Variants in C7orf78 observed in about 807,000 individuals in gnomAD.
C7orf78 encodes the protein putative uncharacterized protein C7orf78.
the C7orf78 span, among the ~76,000 whole-genome samples, chr7:12,527,704 C>A: frequency 7.0e-6 from 1 of 143,354 alleles, no homozygotes; most frequent in Admixed American, 7.0e-5. Flanking sequence ...TGCCATCTAG[C>A]TGTGTAATTG....
At chr7:12,533,512 CTTTTTTT>C in the C7orf78 span, among the ~76,000 whole-genome samples, 4 of 112,606 alleles carry the variant, frequency 3.6e-5, no homozygotes, top group African/African-American at 6.8e-5. Flanking sequence ...CCAAAGGTTT[CTTTTTTT>C]TTTTTTTTTT....
At chr7:12,517,686 T>G in the C7orf78 span, among the ~76,000 whole-genome samples, 2 of 152,172 alleles carry the variant, frequency 1.3e-5, no homozygotes. Context: ...TCAAATATAT[T>G]TTGTAGTTCA....
chr7:12,508,022 T>A, the C7orf78 span, among the ~76,000 whole-genome samples: 1 of 152,226 alleles, frequency 6.6e-6, no homozygotes, highest in Non-Finnish European at 1.5e-5. Flanking sequence ...TCAGTCTACA[T>A]CATGCTACGT....
chr7:12,529,407 C>T, the C7orf78 span, among the ~76,000 whole-genome samples: 2 of 152,112 alleles, frequency 1.3e-5, no homozygotes, highest in Non-Finnish European at 2.9e-5. Context: ...AGTAATGCTA[C>T]ATACTTTTTA....
the C7orf78 span, among the ~76,000 whole-genome samples, chr7:12,509,931 G>T: frequency 5.3e-5 from 8 of 151,840 alleles, no homozygotes; most frequent in South Asian, 1.7e-3. Context: ...CTACTTTGGA[G>T]GCTGAGGCAT....
the C7orf78 span, among the ~76,000 whole-genome samples, chr7:12,510,262 C>T: frequency 2.0e-5 from 3 of 152,034 alleles, no homozygotes; most frequent in East Asian, 5.8e-4. Context: ...TGGCTCACTG[C>T]AGCCCCAAAC....
At chr7:12,514,490 G>A in the C7orf78 span, among the ~76,000 whole-genome samples, 110,023 of 151,880 alleles carry the variant, frequency 0.72, 40,668 homozygotes, top group East Asian at 0.92. Flanking sequence ...TTTTGTGTCT[G>A]TTCAGCCAGT....
the C7orf78 span, among the ~76,000 whole-genome samples, chr7:12,526,509 T>C: frequency 9.8e-4 from 149 of 152,150 alleles, no homozygotes; most frequent in Non-Finnish European, 1.1e-3. Flanking sequence ...AATTAACCAA[T>C]AAGATGTTAA....
chr7:12,494,445 T>C, the C7orf78 span, among the ~76,000 whole-genome samples: 1 of 152,130 alleles, frequency 6.6e-6, no homozygotes, highest in Non-Finnish European at 1.5e-5. Context: ...CCATAATAAA[T>C]TTAAGAGGCT....
At chr7:12,523,220 GAAGAAAAA>G in the C7orf78 span, 1 of 392,110 alleles carries the variant, frequency 2.6e-6, no homozygotes, top group Non-Finnish European at 4.4e-6. Context: ...ACCAATTAAG[GAAGAAAAA>G]AGGAGGAAAA....
the C7orf78 span, among the ~76,000 whole-genome samples, chr7:12,526,108 T>G: frequency 6.6e-6 from 1 of 152,262 alleles, no homozygotes; most frequent in East Asian, 1.9e-4. Flanking sequence ...AAAGATAATA[T>G]TTGTAAATCA....
chr7:12,496,170 C>T, the C7orf78 span, among the ~76,000 whole-genome samples: 2 of 152,116 alleles, frequency 1.3e-5, no homozygotes, highest in East Asian at 1.9e-4. Context: ...CGTGATCCGC[C>T]GCCCTCGGCC....
the C7orf78 span, chr7:12,506,750 C>G: frequency 3.3e-6 from 1 of 306,552 alleles, no homozygotes; most frequent in African/African-American, 2.3e-5. Flanking sequence ...TGTAACAAAC[C>G]TGCACATTGT....
chr7:12,498,100 A>C, the C7orf78 span, among the ~76,000 whole-genome samples: 104 of 152,082 alleles, frequency 6.8e-4, no homozygotes, highest in Non-Finnish European at 1.2e-3. Flanking sequence ...CCATCATCAA[A>C]GACCAAAAGC....
the C7orf78 span, chr7:12,506,940 T>C: frequency 2.1e-6 from 1 of 481,976 alleles, no homozygotes; most frequent in Non-Finnish European, 4.2e-6. Context: ...CATAAAGTGC[T>C]GAATAAATCT....
At chr7:12,516,864 T>A in the C7orf78 span, among the ~76,000 whole-genome samples, 7 of 152,220 alleles carry the variant, frequency 4.6e-5, no homozygotes, top group Non-Finnish European at 1.5e-5. Context: ...ACCCCCATTG[T>A]ATCAAGGAAG....
chr7:12,531,821 T>C, the C7orf78 span, among the ~76,000 whole-genome samples: 1 of 151,874 alleles, frequency 6.6e-6, no homozygotes, highest in Non-Finnish European at 1.5e-5. Context: ...AGCAGAAAGT[T>C]TAATAGAAGA....
the C7orf78 span, among the ~76,000 whole-genome samples, chr7:12,538,760 G>A: frequency 3.4e-3 from 512 of 152,194 alleles, 5 homozygotes; most frequent in African/African-American, 0.011. Flanking sequence ...ACCAAATGGC[G>A]TGAGTACAGA....
the C7orf78 span, among the ~76,000 whole-genome samples, chr7:12,503,319 A>G: frequency 2.6e-5 from 4 of 152,098 alleles, no homozygotes; most frequent in South Asian, 6.2e-4. Flanking sequence ...TGAATTGTGG[A>G]TATTCAATAA....
Sources: allele counts gnomAD v4.1 joint callset (sites outside exome capture counted in the v4.1 genomes callset), GRCh38; gene constraint gnomAD v4.1.1; transcripts MANE v1.5; gene names NCBI Gene and HGNC (gene_info 2026-07-23, HGNC 2026-07-21).